Variants in PARP12 observed in about 807,000 individuals in gnomAD.
PARP12 encodes the protein poly(ADP-ribose) polymerase family member 12, also known as protein mono-ADP-ribosyltransferase PARP12.
Under a neutral mutation model 72.4 loss-of-function variants are expected in PARP12, and 59 were observed. The observed-to-expected ratio is 0.81, with a 90% confidence interval of 0.66 to 1.01. PARP12 has a LOEUF of 1.01. Among genes scored for constraint, PARP12 ranks in the 50% least tolerant of loss-of-function variants. The pLI is 0.00. For missense variants in PARP12, 851 were observed against 914.0 expected (o/e 0.93, Z 0.89); for synonymous variants, 403 against 371.4 (o/e 1.09, Z -0.98).
rs1569526204 is a variant in PARP12, at chr7:140,024,863, A to T, written c.1803T>A (p.Ala601=). 2 of 1,613,508 alleles carry T rather than the reference A, an allele frequency of 1.2e-6. No homozygotes were observed. The highest frequency in any genetic ancestry group is 2.2e-5 in the East Asian group (1 of 44,870). The change falls in exon 12 of 12, where the codon GCT becomes GCA. Residue 601 remains alanine, a synonymous_variant. Transcript: ENST00000263549. ...ATTTGCTGTAGTGGTGGGAATATGC[A>T]GCATCTCGGGCAAAGTAGCTCCCTG... ...YGKGSYFARD[A]AYSHHYSKSD...
At chr7:140,029,138 TAA>T (rs1018330275) in intron 8 of PARP12, 2 of 153,450 alleles carry the variant, frequency 1.3e-5, no homozygotes, top group Non-Finnish European at 2.9e-5. Context: ...TTGAAAAACA[TAA>T]AAGTGACATC....
At position 140,034,274 on chromosome 7, in the gene PARP12, T is replaced by C. The variant is rs1816063345; in HGVS notation, c.1382A>G (p.Lys461Arg). 1 of 1,613,464 alleles carries C rather than the reference T, an allele frequency of 6.2e-7. No individual in the cohort carries two copies. Among genetic ancestry groups the C allele is most frequent in the South Asian group, 1.1e-5 (1 of 91,008 alleles). ...CGTCACATCCTGGGGAGACACGTAT[T>C]TGGGTCTGCGGCAAACCTTTTTAGT... is the stretch of plus-strand genomic sequence containing the variant. ...GTTKKVCRRP[K>R]YVSPQDVTTM... Residue 461 changes from lysine (K) to arginine (R), a missense_variant, in exon 8 of 12, where the codon AAA becomes AGA. This residue lies in a region of PARP12 where 347 missense variants were observed against 396.1 expected (regional missense o/e 0.88). Coordinates refer to ENST00000263549, the MANE Select transcript of PARP12 (RefSeq NM_022750.4).
Position 140,057,026 on chromosome 7 carries a change from C to G in PARP12, c.590G>C (p.Arg197Thr). Residue 197 changes from arginine (R) to threonine (T), a missense_variant, in exon 3 of 12, where the codon AGA becomes ACA. By Grantham distance (71) the Arg-to-Thr change is moderately conservative (BLOSUM62 -1). Transcript: ENST00000263549. ...GECKFGTSCK[R>T]SHDFSNSENL... ...CTCAGAATTAGAGAAATCATGGGATCTCTTACAGCTAGTGCCAAACTTGCA... is the reference window on the plus strand; with the variant it reads ...CTCAGAATTAGAGAAATCATGGGATGTCTTACAGCTAGTGCCAAACTTGCA... The G allele has an allele frequency of 1.2e-6, 2 of 1,614,252 alleles. No homozygotes were observed.
At chr7:140,047,377 G>A (rs1228532161) in intron 4 of PARP12, among the ~76,000 whole-genome samples, 1 of 152,094 alleles carries the variant, frequency 6.6e-6, no homozygotes, top group African/African-American at 2.4e-5. Context: ...AGCGAGACCT[G>A]AGCTAGCATG....
At chr7:140,041,561 G>T in intron 6 of PARP12, 83 bp downstream of exon 6, 1 of 1,391,098 alleles carries the variant, frequency 7.2e-7, no homozygotes, top group Non-Finnish European at 9.8e-7. Flanking sequence ...GGATGCCCCT[G>T]GCAACAATAT....
chr7:140,040,853 T>G (rs1246583734), intron 6 of PARP12, among the ~76,000 whole-genome samples: 1 of 152,170 alleles, frequency 6.6e-6, no homozygotes, highest in Non-Finnish European at 1.5e-5. Context: ...AACCTCTGCC[T>G]CCCGGGTTCA....
At position 140,035,971 on chromosome 7, in the gene PARP12, CGAGGAGGAG is replaced by C. The variant is rs1164850035; in HGVS notation, c.1325-1649_1325-1641del. 1.3e-3 allele frequency among the ~76,000 whole-genome samples: 27 copies of C among 20,246 alleles called. 2 individuals carry two copies. The East Asian group carries it at 0.022, about 16-fold the overall frequency. The allele number at this position is 20,246 out of a possible 152,430, so 13.3% of individuals were successfully genotyped here. ...AGGAGGACGAGGAGGAGGAGGAGGA[CGAGGAGGAG>C]GAGGAGGAGGAGGAGGAGGAGAAGG... On this transcript the variant is annotated intron_variant, in intron 7 of 11. Transcript: ENST00000263549.
At position 140,035,334 on chromosome 7, in the gene PARP12, G is replaced by A. The variant is rs140974732; in HGVS notation, c.1325-1003C>T. On this transcript the variant is annotated intron_variant, in intron 7 of 11. Coordinates refer to ENST00000263549, the MANE Select transcript of PARP12 (RefSeq NM_022750.4). ...TTCTCACTGGCATATTTAAATGGGTGTTACTGGCCTACTGGCCATCTGTGA... is the reference window on the plus strand; with the variant it reads ...TTCTCACTGGCATATTTAAATGGGTATTACTGGCCTACTGGCCATCTGTGA... 1.3e-4 allele frequency among the ~76,000 whole-genome samples: 20 copies of A among 152,320 alleles called. No individual in the cohort carries two copies. In the East Asian group the frequency reaches 3.9e-3, roughly 29 times the overall value.
Position 140,046,819 on chromosome 7 carries a change from T to TGTGC in PARP12, c.986+64_986+65insGCAC, listed in dbSNP as rs71170935. The TGTGC allele has an allele frequency of 8.7e-6, 13 of 1,487,732 alleles. No homozygotes were observed. In the African/African-American group the frequency reaches 1.9e-4, roughly 22 times the overall value. The allele number at this position is 1,487,732 out of a possible 1,614,324, so 92.2% of individuals were successfully genotyped here. A position where few individuals can be genotyped will look rare whatever the true frequency, so the allele number is the denominator to read the frequency against. On this transcript the variant is annotated intron_variant, in intron 5 of 11. Coordinates refer to ENST00000263549, the MANE Select transcript of PARP12 (RefSeq NM_022750.4). ...CTCACAGTGTGTGTGTGTGTGTGTG[T>TGTGC]GTGTGTGTGTGTGTCACACACAGAA...
In PARP12 at chr7:140,056,972, A is replaced by G; in HGVS notation, c.644T>C (p.Met215Thr). ...ENLEKLEKLG[M>T]SSDLVSRLPT... ...CAGCCTGCTCACCAGGTCTGAGCTC[A>G]TACCCAACTTCTCCAATTTTTCCAG... The change falls in exon 3 of 12, where the codon ATG (methionine) becomes ACG (threonine). Residue 215 changes from methionine to threonine, a missense_variant. Coordinates refer to ENST00000263549, the MANE Select transcript of PARP12 (RefSeq NM_022750.4). 1 of 1,614,248 alleles carries G rather than the reference A, an allele frequency of 6.2e-7. No homozygotes were observed. The highest frequency in any genetic ancestry group is 8.5e-7 in the Non-Finnish European group (1 of 1,180,056).
intron 1 of PARP12, among the ~76,000 whole-genome samples, chr7:140,060,172 A>G (rs1199372871): frequency 6.6e-6 from 1 of 152,188 alleles, no homozygotes; most frequent in South Asian, 2.1e-4. Context: ...CAGATGAGGG[A>G]ACTGAGACCT....
rs766142153 is a variant in PARP12, at chr7:140,026,232, C to T, written c.1745G>A (p.Arg582Gln). 12 of 1,614,182 alleles carry T rather than the reference C, an allele frequency of 7.4e-6. No homozygotes were observed. Among genetic ancestry groups the T allele is most frequent in the Admixed American group, 1.7e-5 (1 of 60,030 alleles). Residue 582 changes from arginine to glutamine, a missense_variant, in exon 11 of 12, where the codon CGG becomes CAG. Physicochemically the swap from Arg to Gln is conservative, Grantham distance 43. Transcript: ENST00000263549. ...DAICQQNFDW[R>Q]VCGVHGTSYG... ...GGAAGTGCCATGAACACCACAGACC[C>T]GCCAGTCAAAGTTCTGCTGGCAGAT...
chr7:140,031,070 T>C (rs1815923844), intron 8 of PARP12, among the ~76,000 whole-genome samples: 1 of 152,164 alleles, frequency 6.6e-6, no homozygotes, highest in Admixed American at 6.5e-5. Context: ...TGTACTTAAG[T>C]GAAGAACATG....
At chr7:140,058,666 C>T (rs1419610775) in intron 1 of PARP12, among the ~76,000 whole-genome samples, 4 of 152,268 alleles carry the variant, frequency 2.6e-5, no homozygotes, top group Admixed American at 2.0e-4. Flanking sequence ...GTGACAAAAT[C>T]GATTTCTGTC....
intron 7 of PARP12, among the ~76,000 whole-genome samples, 177 bp downstream of exon 7, chr7:140,037,538 C>T (rs2116560465): frequency 6.6e-6 from 1 of 152,344 alleles, no homozygotes; most frequent in East Asian, 1.9e-4. Context: ...AGTTCTTCCT[C>T]CACTGCACAG....
chr7:140,057,470 C>T (rs901149761), intron 2 of PARP12: 10 of 422,938 alleles, frequency 2.4e-5, no homozygotes, highest in African/African-American at 1.8e-4. Context: ...AGGACCTCTA[C>T]AATCTACCTA....
At chr7:140,037,579 T>C in intron 7 of PARP12, 136 bp downstream of exon 7, 2 of 1,225,086 alleles carry the variant, frequency 1.6e-6, no homozygotes, top group Non-Finnish European at 2.3e-6. Context: ...AGGTCTACCT[T>C]GGACCTGGTA....
rs1164459968 is a variant in PARP12 at position 140,041,849 on chromosome 7, A to G, written c.987-10T>C. 1.2e-6 allele frequency: 2 copies of G among 1,603,658 alleles called. No individual in the cohort carries two copies. Among genetic ancestry groups the G allele is most frequent in the Non-Finnish European group, 8.5e-7 (1 of 1,172,230 alleles). On this transcript the variant is annotated splice_polypyrimidine_tract_variant and intron_variant, in intron 5 of 11. Coordinates refer to ENST00000263549, the MANE Select transcript of PARP12 (RefSeq NM_022750.4). Reference sequence around the variant, plus strand: ...CTCAGAGCACAGGATCCTACAGAAGAAAAACAGCAGCAGACTGAAAATCCC... The same window carrying G: ...CTCAGAGCACAGGATCCTACAGAAGGAAAACAGCAGCAGACTGAAAATCCC...
At chr7:140,053,505 G>T (rs1817049468) in intron 4 of PARP12, among the ~76,000 whole-genome samples, 2 of 152,150 alleles carry the variant, frequency 1.3e-5, no homozygotes. Flanking sequence ...ATATCTTGAT[G>T]GTAGAGATGG....
Sources: gnomAD v4.1 joint callset for allele counts (sites outside exome capture counted in the v4.1 genomes callset) on GRCh38, gnomAD v4.1.1 for gene constraint, gnomAD v4.1.1 regional missense constraint, MANE v1.5 for transcripts, NCBI Gene and HGNC (gene_info 2026-07-23, HGNC 2026-07-21) for gene names.